WDR36: variants seen among roughly 807,000 people sequenced by gnomAD.
WDR36 encodes the protein WD repeat domain 36, also known as WD repeat-containing protein 36.
WDR36 carries 63 observed loss-of-function variants against 112.7 expected under a neutral mutation model. The observed-to-expected ratio is 0.56, with a 90% CI of 0.46 to 0.69. WDR36 has a LOEUF of 0.69. Ranked by LOEUF, WDR36 falls within the 30% of genes least tolerant of loss-of-function variation. WDR36 has a pLI of 0.00. For missense variants in WDR36, 1,226 were observed against 1,070.3 expected (o/e 1.15, Z -2.03); for synonymous variants, 410 against 362.2 (o/e 1.13, Z -1.50).
In WDR36 at chr5:111,121,052, T is replaced by G; in HGVS notation, c.2059T>G (p.Ser687Ala). The change falls in exon 19 of 23, where the codon TCG becomes GCG. Residue 687 changes from serine (S) to alanine (A), a missense_variant. Ser to Ala is a moderately conservative substitution (Grantham distance 99, BLOSUM62 1). Coordinates refer to ENST00000513710, the MANE Select transcript of WDR36 (RefSeq NM_139281.3). ...EPSDELIEYD[S>A]PEQLNEQLVT... ...AAGTGATGAATTGATAGAATATGAT[T>G]CGCCAGAACAGTTGAATGAGCAATT... is the stretch of plus-strand genomic sequence containing the variant. The G allele has an allele frequency of 1.2e-6, 2 of 1,613,584 alleles. No homozygotes were observed. Among genetic ancestry groups the G allele is most frequent in the Non-Finnish European group, 1.7e-6 (2 of 1,179,638 alleles).
At chr5:111,111,079 A>G (rs941679214) in intron 14 of WDR36, 91 bp from the exon 15 acceptor site, 2 of 1,550,930 alleles carry the variant, frequency 1.3e-6, no homozygotes, top group South Asian at 1.1e-5. Flanking sequence ...ATTTCCCCCA[A>G]AGTGTACTTG....
At chr5:111,118,597 C>T (rs1298316261) in intron 16 of WDR36, among the ~76,000 whole-genome samples, 1 of 152,040 alleles carries the variant, frequency 6.6e-6, no homozygotes, top group East Asian at 1.9e-4. Context: ...ATTACTTTCT[C>T]CTTTTGCCTA....
intron 12 of WDR36, among the ~76,000 whole-genome samples, chr5:111,108,231 T>G (rs534159150): frequency 6.6e-6 from 1 of 151,348 alleles, no homozygotes; most frequent in Non-Finnish European, 1.5e-5. Context: ...GAAGTAGAGT[T>G]TTTTTGTTTT....
intron 21 of WDR36, among the ~76,000 whole-genome samples, chr5:111,125,056 A>G (rs570329231): frequency 2.0e-5 from 3 of 152,216 alleles, no homozygotes; most frequent in Non-Finnish European, 2.9e-5. Flanking sequence ...ATATGAAACA[A>G]TTCTTCTAGG....
rs753451887 is a variant in WDR36 at position 111,092,611 on chromosome 5, C to T, written c.155C>T (p.Thr52Ile). 148 of 1,613,168 alleles carry T rather than the reference C, an allele frequency of 9.2e-5. 1 individual carries two copies. Among genetic ancestry groups the T allele is most frequent in the Admixed American group, 3.7e-4 (22 of 59,994 alleles). ...ACCTGCGTGGGCAAGAGTTTCCACA[C>T]CTATGACGTGAGTGACTTCTTTTGT... ...VTTCVGKSFH[T>I]YDVQKLSLVA... Residue 52 changes from threonine to isoleucine, a missense_variant, in exon 1 of 23, where the codon ACC (threonine) becomes ATC (isoleucine). Transcript: ENST00000513710.
chr5:111,102,454 A>C (rs527750249), intron 6 of WDR36, 55 bp downstream of exon 6: 1 of 1,516,026 alleles, frequency 6.6e-7, no homozygotes, highest in African/African-American at 1.4e-5. Flanking sequence ...AAAATCCTTC[A>C]GTTTCAGGAA....
intron 17 of WDR36, among the ~76,000 whole-genome samples, chr5:111,120,022 T>C (rs188590729): frequency 2.1e-3 from 327 of 152,204 alleles, no homozygotes; most frequent in Non-Finnish European, 2.9e-3. Context: ...ACATCTTGAT[T>C]AGTCATCCAT....
chr5:111,112,612 G>A (rs1482674247), intron 15 of WDR36, among the ~76,000 whole-genome samples: 2 of 151,856 alleles, frequency 1.3e-5, no homozygotes, highest in Non-Finnish European at 2.9e-5. Context: ...AAAAAATAAT[G>A]GGTGGCATAA....
chr5:111,105,258 T>C, intron 9 of WDR36, 37 bp from the exon 10 acceptor site: 1 of 1,591,026 alleles, frequency 6.3e-7, no homozygotes. Context: ...CTTGTTTTAA[T>C]GAAGCTTGAT....
rs1753375432 is a variant in WDR36, at chr5:111,113,050, ATATTTTTTTT to A, written c.1717-22_1717-13del. On this transcript the variant is annotated splice_polypyrimidine_tract_variant and intron_variant, in intron 15 of 22. Transcript: ENST00000513710. ...ATATATAAATAATATATATATATAT[ATATTTTTTTT>A]TTTTAATTTAAAGGCTTTTAGTCCT... 8.6e-6 allele frequency: 4 copies of A among 467,326 alleles called. No individual in the cohort carries two copies. The highest frequency in any genetic ancestry group is 6.2e-5 in the East Asian group (1 of 16,226). The allele number at this position is 467,326 out of a possible 1,614,324, so 28.9% of individuals were successfully genotyped here.
chr5:111,094,425 C>G (rs1206625330), intron 1 of WDR36, among the ~76,000 whole-genome samples: 5 of 152,040 alleles, frequency 3.3e-5, no homozygotes, highest in Admixed American at 3.3e-4. Context: ...GTCTAGCCCA[C>G]TGTTTGTTTT....
In WDR36 at chr5:111,104,227, T is replaced by G. The variant is rs773939555; in HGVS notation, c.781T>G (p.Trp261Gly). ...AAGCCCATGTGGCCATATTGGACTC[T>G]GGGATCTAGAAGACAAAAAATTAAT... ...AGSPCGHIGLWDLEDKKLINQ... is the reference protein window; with the variant it reads ...AGSPCGHIGLGDLEDKKLINQ... Residue 261 changes from tryptophan to glycine, a missense_variant, in exon 8 of 23, where the codon TGG becomes GGG. Coordinates refer to ENST00000513710, the MANE Select transcript of WDR36 (RefSeq NM_139281.3). 7.4e-6 allele frequency: 12 copies of G among 1,611,910 alleles called. No individual in the cohort carries two copies. Among genetic ancestry groups the G allele is most frequent in the African/African-American group, 1.3e-5 (1 of 74,904 alleles).
chr5:111,102,199 C>T (rs1753133645), intron 5 of WDR36, 146 bp from the exon 6 acceptor site: 1 of 658,672 alleles, frequency 1.5e-6, no homozygotes, highest in Admixed American at 2.9e-5. Flanking sequence ...AACCTTGTGA[C>T]ATTAGCTTAA....
rs780115308 is a variant in WDR36 at position 111,107,286 on chromosome 5, C to T, written c.1181-8C>T. 33 of 1,608,136 alleles carry T rather than the reference C, an allele frequency of 2.1e-5. No homozygotes were observed. Among genetic ancestry groups the T allele is most frequent in the Middle Eastern group, 1.7e-4 (1 of 6,052 alleles). On this transcript the variant is annotated splice_polypyrimidine_tract_variant and splice_region_variant and intron_variant, in intron 11 of 22. Coordinates refer to ENST00000513710, the MANE Select transcript of WDR36 (RefSeq NM_139281.3). ...GTAATTTGATTTATGATTTTCATTACGTTTTAGAGGAAGCTCGTGAAAGTG... is the reference window on the plus strand; with the variant it reads ...GTAATTTGATTTATGATTTTCATTATGTTTTAGAGGAAGCTCGTGAAAGTG...
chr5:111,126,077 GT>G (rs1303021591), intron 22 of WDR36, among the ~76,000 whole-genome samples: 1 of 151,988 alleles, frequency 6.6e-6, no homozygotes, highest in African/African-American at 2.4e-5. Context: ...GTCTTGTTTT[GT>G]TTTTTTACTC....
rs772170148 is a variant in WDR36, at chr5:111,102,403, A to C, written c.597+4A>C. The C allele has an allele frequency of 3.1e-6, 5 of 1,610,148 alleles. No individual in the cohort carries two copies. The highest frequency in any genetic ancestry group is 4.2e-6 in the Non-Finnish European group (5 of 1,177,406). On this transcript the variant is annotated splice_donor_region_variant and intron_variant, in intron 6 of 22. Transcript: ENST00000513710. ...TGGAGTGACAGCTCTTCAGCAGGTT[A>C]GTATTTTTCTGTTAAGTCAAAGAGG...
Position 111,127,923 on chromosome 5 carries a change from G to GTTTTTTTTTTTT in WDR36, c.*1048_*1059dup, listed in dbSNP as rs1174312563. The GTTTTTTTTTTTT allele has an allele frequency of 7.4e-6, 1 of 134,334 alleles. No homozygotes were observed. The highest frequency in any genetic ancestry group is 1.7e-5 in the Non-Finnish European group (1 of 60,366). 8.3% of individuals were successfully genotyped at this position (134,334 alleles called of 1,614,324 possible). ...GGTTTTTTTTATTTTGTTTTGTTTT[G>GTTTTTTTTTTTT]TTTTTTTTTTTTTTTTTTTGGCTAC... On this transcript the variant is annotated 3_prime_UTR_variant, in exon 23 of 23. Coordinates refer to ENST00000513710, the MANE Select transcript of WDR36 (RefSeq NM_139281.3).
rs184558865 is a variant in WDR36, at chr5:111,104,997, A to T, written c.1027+180A>T. ...AGAAGCACTATAGATGTTATTATCT[A>T]TGCTTAATGTGTCCTTCTATTTACT... On this transcript the variant is annotated intron_variant, in intron 9 of 22. Transcript: ENST00000513710. 2.6e-4 allele frequency among the ~76,000 whole-genome samples: 40 copies of T among 151,710 alleles called. No individual in the cohort carries two copies. In the East Asian group the frequency reaches 6.4e-3, roughly 24 times the overall value.
chr5:111,103,967 A>C (rs1022016245), intron 7 of WDR36, 49 bp downstream of exon 7: 17 of 1,603,268 alleles, frequency 1.1e-5, no homozygotes, highest in Non-Finnish European at 1.3e-5. Flanking sequence ...CTTAAAATTC[A>C]TTACTTTAAA....
Sources: gnomAD v4.1 joint callset for allele counts (sites outside exome capture counted in the v4.1 genomes callset) on GRCh38, gnomAD v4.1.1 for gene constraint, MANE v1.5 for transcripts, NCBI Gene and HGNC (gene_info 2026-07-23, HGNC 2026-07-21) for gene names.